Variants in PLB1 observed in about 807,000 individuals in gnomAD.
The protein encoded by PLB1 is phospholipase B1, membrane-associated.
In PLB1, 242 loss-of-function variants were observed where a neutral mutation model predicts 227.4. The ratio of observed to expected loss-of-function variants is 1.06; its 90% CI spans 0.96 to 1.18. PLB1 has a LOEUF of 1.18. PLB1 is among the 50% of genes most tolerant of loss of function. The pLI is 0.00. For synonymous variants in PLB1, 757 were observed against 682.2 expected, an observed-to-expected ratio of 1.11 and a Z score of -1.71; for missense variants, 1,858 against 1,816.3, an observed-to-expected ratio of 1.02 and a Z score of -0.42.
At chr2:28,533,574 G>T (rs1671297314) in intron 9 of PLB1, among the ~76,000 whole-genome samples, 2 of 152,180 alleles carry the variant, frequency 1.3e-5, no homozygotes, top group African/African-American at 4.8e-5. Context: ...AGATATTGCT[G>T]CATTCTTCTA....
Position 28,574,549 on chromosome 2 carries a change from ATTTTTTTTT to A in PLB1, c.1433+1263_1433+1271del, listed in dbSNP as rs55675067. ...AGGCACACATCACCATTCCCGGCTA[ATTTTTTTTT>A]TTTTTTTTTTTTTTTTTTGGTAGAG... is the stretch of plus-strand genomic sequence containing the variant. On this transcript the variant is annotated intron_variant, in intron 21 of 57. Coordinates refer to ENST00000327757, the MANE Select transcript of PLB1 (RefSeq NM_153021.5). Among the ~76,000 whole-genome samples, 150 of 130,154 alleles carry A rather than the reference ATTTTTTTTT, an allele frequency of 1.2e-3. 1 individual carries two copies. The highest frequency in any genetic ancestry group is 4.0e-3 in the Middle Eastern group (1 of 252). The allele number at this position is 130,154 out of a possible 152,430, so 85.4% of individuals were successfully genotyped here. A position where few individuals can be genotyped will look rare whatever the true frequency, so the allele number is the denominator to read the frequency against.
At chr2:28,630,557 G>A (rs775280767) in intron 53 of PLB1, 29 bp from the exon 54 acceptor site, 11 of 1,599,692 alleles carry the variant, frequency 6.9e-6, no homozygotes, top group Admixed American at 3.3e-5. Flanking sequence ...GCCCCAGGCA[G>A]CCTCAATACA....
At position 28,644,007 on chromosome 2, in the gene PLB1, A is replaced by ATCTT. The variant is rs1480488415; in HGVS notation, c.*948_*951dup. 6.6e-6 allele frequency among the ~76,000 whole-genome samples: 1 copy of ATCTT among 152,250 alleles called. No individual in the cohort carries two copies. The highest frequency in any genetic ancestry group is 2.4e-5 in the African/African-American group (1 of 41,478). On this transcript the variant is annotated 3_prime_UTR_variant, in exon 58 of 58. Transcript: ENST00000327757. ...AGCCCAGGGAGGGGGTAAAGGGAAA[A>ATCTT]TCTTTGAAAATAGAAGTGATGCTTG...
Position 28,632,117 on chromosome 2 carries a change from AAC to A in PLB1, c.3984_3985del (p.Leu1329HisfsTer10), listed in dbSNP as rs777126676. On this transcript the variant is annotated frameshift_variant, in exon 55 of 58. Transcript: ENST00000327757. LOFTEE classifies it high-confidence loss of function. ...GGTTGTGGTGCAGCCTTTCTTCCAA[AAC>A]ACACTCACCCCACTGAACGAGGTGA... ...FAVVVQPFFQ[N>X]TLTPLNERGD... 50 of 1,613,750 alleles carry A rather than the reference AAC, an allele frequency of 3.1e-5. No homozygotes were observed. Among genetic ancestry groups the A allele is most frequent in the Non-Finnish European group, 3.6e-5 (42 of 1,179,852 alleles).
intron 1 of PLB1, among the ~76,000 whole-genome samples, chr2:28,501,807 T>C (rs942318622): frequency 6.6e-6 from 1 of 152,212 alleles, no homozygotes; most frequent in Non-Finnish European, 1.5e-5. Flanking sequence ...CAGAGATCTT[T>C]ATTTTTTTCC....
At chr2:28,521,200 C>T (rs746769697) in intron 4 of PLB1, among the ~76,000 whole-genome samples, 4 of 152,196 alleles carry the variant, frequency 2.6e-5, no homozygotes, top group Non-Finnish European at 5.9e-5. Flanking sequence ...GTTGCCTCCA[C>T]CTCTTGGCTG....
chr2:28,585,369 G>A (rs1001524285), intron 25 of PLB1, among the ~76,000 whole-genome samples: 3 of 151,804 alleles, frequency 2.0e-5, no homozygotes, highest in South Asian at 2.1e-4. Context: ...TCCGCCTCCC[G>A]GGTTCAAGCG....
At chr2:28,531,668 T>A (rs1316736049) in intron 8 of PLB1, among the ~76,000 whole-genome samples, 2 of 152,220 alleles carry the variant, frequency 1.3e-5, no homozygotes, top group Non-Finnish European at 2.9e-5. Context: ...CCCATGATAA[T>A]TACATTTTTC....
At chr2:28,593,048 G>A (rs575956542) in intron 32 of PLB1, among the ~76,000 whole-genome samples, 2 of 152,126 alleles carry the variant, frequency 1.3e-5, no homozygotes, top group Admixed American at 1.3e-4. Context: ...TTTTCCTTTG[G>A]ATTATGCTTT....
At chr2:28,613,757 C>T (rs1053115940) in intron 43 of PLB1, among the ~76,000 whole-genome samples, 1 of 152,182 alleles carries the variant, frequency 6.6e-6, no homozygotes, top group Non-Finnish European at 1.5e-5. Flanking sequence ...GATTAGGGAG[C>T]TGTTCAGTTG....
At chr2:28,596,862 A>G (rs1012999109) in intron 33 of PLB1, among the ~76,000 whole-genome samples, 7 of 152,262 alleles carry the variant, frequency 4.6e-5, no homozygotes, top group African/African-American at 1.7e-4. Context: ...GGCATGCAAT[A>G]GTCCACTTCA....
Position 28,620,614 on chromosome 2 carries a change from G to A in PLB1, c.3398G>A (p.Gly1133Glu). 1 of 1,613,848 alleles carries A rather than the reference G, an allele frequency of 6.2e-7. No homozygotes were observed. ...CTCCTCCCCAGCATTGGAGGGGATG[G>A]GAACTTGGAGACTCACACCACACTG... Reference protein sequence around the residue: ...RGLSWSIGGDGNLETHTTLPN... With the variant: ...RGLSWSIGGDENLETHTTLPN... Residue 1133 changes from glycine to glutamate, a missense_variant, in exon 48 of 58, where the codon GGG becomes GAG. By Grantham distance (98) the Gly-to-Glu change is moderately conservative. Transcript: ENST00000327757.
intron 16 of PLB1, 147 bp from the exon 17 acceptor site, chr2:28,552,781 A>C: frequency 1.6e-6 from 1 of 641,350 alleles, no homozygotes. Flanking sequence ...ATTGGATATG[A>C]GTGTTGAAGG....
intron 9 of PLB1, among the ~76,000 whole-genome samples, chr2:28,535,364 T>A (rs1221826285): frequency 6.6e-6 from 1 of 152,242 alleles, no homozygotes; most frequent in Non-Finnish European, 1.5e-5. Context: ...GGAATAAATC[T>A]CACCTCCACT....
Position 28,628,566 on chromosome 2 carries a change from G to T in PLB1, c.3664G>T (p.Ala1222Ser). 1 of 1,614,026 alleles carries T rather than the reference G, an allele frequency of 6.2e-7. No homozygotes were observed. The highest frequency in any genetic ancestry group is 8.5e-7 in the Non-Finnish European group (1 of 1,179,952). The change falls in exon 52 of 58, where the codon GCC becomes TCC. Residue 1222 changes from alanine (A) to serine (S), a missense_variant. Coordinates refer to ENST00000327757, the MANE Select transcript of PLB1 (RefSeq NM_153021.5). ...GAGTACCCTTTTTTCCTTACAGGAGGCCCACTTGGCCACGGAATATGTTCA... is the reference window on the plus strand; with the variant it reads ...GAGTACCCTTTTTTCCTTACAGGAGTCCCACTTGGCCACGGAATATGTTCA... ...DLCHYCENPE[A>S]HLATEYVQHI...
intron 4 of PLB1, among the ~76,000 whole-genome samples, chr2:28,524,808 C>G (rs72792959): frequency 0.087 from 13,167 of 150,924 alleles, 711 homozygotes; most frequent in East Asian, 0.25. Context: ...GCAGAAGGAG[C>G]CTTCATCTTT....
At chr2:28,580,763 G>A (rs1679795699) in intron 23 of PLB1, among the ~76,000 whole-genome samples, 1 of 151,928 alleles carries the variant, frequency 6.6e-6, no homozygotes, top group Non-Finnish European at 1.5e-5. Context: ...GTGGGAAAGG[G>A]GGTTGTTGGA....
chr2:28,510,665 C>T (rs1190408335), intron 1 of PLB1, among the ~76,000 whole-genome samples: 2 of 140,766 alleles, frequency 1.4e-5, no homozygotes, highest in African/African-American at 2.7e-5. Context: ...ACTTTACCAC[C>T]CAGGCTGGAG....
rs376998930 is a variant in PLB1 at position 28,620,602 on chromosome 2, T to C, written c.3386T>C (p.Ile1129Thr). The change falls in exon 48 of 58, where the codon ATT becomes ACT. Residue 1129 changes from isoleucine (I) to threonine (T), a missense_variant and splice_region_variant. Coordinates refer to ENST00000327757, the MANE Select transcript of PLB1 (RefSeq NM_153021.5). Reference protein sequence around the residue: ...PTSWRGLSWSIGGDGNLETHT... With the variant: ...PTSWRGLSWSTGGDGNLETHT... ...CAAATATGCTTTCTCCTCCCCAGCA[T>C]TGGAGGGGATGGGAACTTGGAGACT... is the stretch of plus-strand genomic sequence containing the variant. The C allele has an allele frequency of 6.1e-5, 98 of 1,613,414 alleles. 1 individual carries two copies. In the Admixed American group the frequency reaches 6.3e-4, roughly 10 times the overall value.
Sources: gnomAD v4.1 joint callset for allele counts (sites outside exome capture counted in the v4.1 genomes callset) on GRCh38, gnomAD v4.1.1 for gene constraint, MANE v1.5 for transcripts, NCBI Gene and HGNC (gene_info 2026-07-23, HGNC 2026-07-21) for gene names.